Variants in GNPTAB observed in about 807,000 individuals in gnomAD.
The protein encoded by GNPTAB is N-acetylglucosamine-1-phosphotransferase subunits alpha/beta.
In GNPTAB, 92 loss-of-function variants were observed where a neutral mutation model predicts 136.6. That is an observed-to-expected ratio of 0.67 (90% CI 0.57 to 0.80). GNPTAB has a LOEUF of 0.80. Among genes scored for constraint, GNPTAB ranks in the 30% least tolerant of loss-of-function variants. GNPTAB has a pLI of 0.00. For synonymous variants in GNPTAB, 512 were observed against 535.1 expected (o/e 0.96, Z 0.60); for missense variants, 1,343 against 1,501.8 (o/e 0.89, Z 1.75).
At chr12:101,826,820 A>G (rs1871105424) in intron 1 of GNPTAB, among the ~76,000 whole-genome samples, 1 of 152,240 alleles carries the variant, frequency 6.6e-6, no homozygotes, top group South Asian at 2.1e-4. Context: ...TCTTAAGAGC[A>G]GTCAATCTAG....
intron 1 of GNPTAB, among the ~76,000 whole-genome samples, chr12:101,803,808 A>G (rs1869780662): frequency 6.6e-6 from 1 of 152,236 alleles, no homozygotes; most frequent in East Asian, 1.9e-4. Context: ...TGTTAGACAA[A>G]AGGAATAATC....
chr12:101,820,454 T>C (rs570519794), intron 1 of GNPTAB, among the ~76,000 whole-genome samples: 2 of 152,292 alleles, frequency 1.3e-5, no homozygotes, highest in Non-Finnish European at 2.9e-5. Context: ...CCTGCAGCCA[T>C]TCTTGCCCCT....
chr12:101,829,626 C>T (rs908718669), intron 1 of GNPTAB, among the ~76,000 whole-genome samples: 4 of 152,168 alleles, frequency 2.6e-5, no homozygotes, highest in Non-Finnish European at 5.9e-5. Context: ...CCTAACTACA[C>T]ACAGATACAT....
At chr12:101,753,650 T>G in intron 18 of GNPTAB, 111 bp from the exon 19 acceptor site, 1 of 896,326 alleles carries the variant, frequency 1.1e-6, no homozygotes. Context: ...CCCAAGTTGG[T>G]ATATTTGCTG....
chr12:101,768,635 T>C (rs1441559506), intron 10 of GNPTAB, among the ~76,000 whole-genome samples: 1 of 152,240 alleles, frequency 6.6e-6, no homozygotes, highest in Non-Finnish European at 1.5e-5. Context: ...CTTAAGGCCC[T>C]GTGATAAATT....
chr12:101,811,647 T>C (rs1365462568), intron 1 of GNPTAB, among the ~76,000 whole-genome samples: 2 of 150,712 alleles, frequency 1.3e-5, no homozygotes, highest in African/African-American at 4.9e-5. Flanking sequence ...ACTTTTTTTT[T>C]TTTTTTTTTG....
chr12:101,766,154 T>C lies in GNPTAB; in HGVS notation c.1549A>G (p.Lys517Glu). The C allele has an allele frequency of 9.9e-6, 16 of 1,614,084 alleles. No individual in the cohort carries two copies. The highest frequency in any genetic ancestry group is 1.4e-5 in the Non-Finnish European group (16 of 1,180,008). The change falls in exon 12 of 21, where the codon AAG becomes GAG. Residue 517 changes from lysine to glutamate, a missense_variant. Physicochemically the swap from Lys to Glu is moderately conservative, Grantham distance 56. Coordinates refer to ENST00000299314, the MANE Select transcript of GNPTAB (RefSeq NM_024312.5). ...QGCANSWLAD[K>E]FCDQACNVLS... ...ACATTGCATGCTTGGTCACAGAACT[T>C]ATCAGCGAGCCAGGAATTCGCACAT...
At chr12:101,759,038 T>C (rs142600628) in intron 16 of GNPTAB, among the ~76,000 whole-genome samples, 111 of 152,296 alleles carry the variant, frequency 7.3e-4, no homozygotes, top group African/African-American at 2.2e-3. Context: ...TATATGGTAG[T>C]ACCCATTATT....
intron 13 of GNPTAB, among the ~76,000 whole-genome samples, chr12:101,761,966 G>A (rs1441439242): frequency 6.6e-6 from 1 of 152,204 alleles, no homozygotes; most frequent in Non-Finnish European, 1.5e-5. Context: ...TATCACCAAT[G>A]TTGGTTTGAG....
At chr12:101,807,624 T>A (rs1870001116) in intron 1 of GNPTAB, among the ~76,000 whole-genome samples, 1 of 152,052 alleles carries the variant, frequency 6.6e-6, no homozygotes, top group African/African-American at 2.4e-5. Flanking sequence ...ATAGTAAGAC[T>A]GCAGGATACA....
At chr12:101,804,924 G>A (rs769889653) in intron 1 of GNPTAB, among the ~76,000 whole-genome samples, 32 of 152,134 alleles carry the variant, frequency 2.1e-4, no homozygotes, top group Non-Finnish European at 4.3e-4. Context: ...GAAAATTCAA[G>A]TGAGCTGATA....
rs573267894 is a variant in GNPTAB at position 101,765,353 on chromosome 12, C to T, written c.1613-49G>A. The T allele has an allele frequency of 9.2e-6, 11 of 1,194,522 alleles. No homozygotes were observed. The South Asian group carries it at 1.4e-4, about 15-fold the overall frequency. 74.0% of individuals were successfully genotyped at this position (1,194,522 alleles called of 1,614,324 possible). ...ATTTTTTTTTTAACTGGGCATTTTT[C>T]CTCTGTTTTCCTTTAATTCTTTGAG... On this transcript the variant is annotated intron_variant, in intron 12 of 20. Transcript: ENST00000299314.
Position 101,761,234 on chromosome 12 carries a change from T to C in GNPTAB, c.3028A>G (p.Ile1010Val), listed in dbSNP as rs772482837. 8 of 1,613,878 alleles carry C rather than the reference T, an allele frequency of 5.0e-6. 1 individual carries two copies. Among genetic ancestry groups the C allele is most frequent in the Admixed American group, 3.3e-5 (2 of 60,018 alleles). ...TCAACTTCATCAAAGACTTGAGATA[T>C]ATTCAGTGGCTGCACTGCACTCATG... ...YLMSAVQPLN[I>V]SQVFDEVDTD... The change falls in exon 15 of 21, where the codon ATA (isoleucine) becomes GTA (valine). Residue 1010 changes from isoleucine to valine, a missense_variant. Transcript: ENST00000299314.
intron 2 of GNPTAB, among the ~76,000 whole-genome samples, chr12:101,795,668 G>A (rs12322720): frequency 7.2e-5 from 11 of 151,874 alleles, no homozygotes; most frequent in African/African-American, 1.5e-4. Context: ...CAGGAGAATC[G>A]CTTGAATCCA....
At chr12:101,763,066 C>T (rs1334693889) in intron 13 of GNPTAB, among the ~76,000 whole-genome samples, 2 of 151,668 alleles carry the variant, frequency 1.3e-5, no homozygotes, top group African/African-American at 4.8e-5. Flanking sequence ...ACTAAAAATA[C>T]AAAAAATTGG....
At chr12:101,824,348 A>T (rs1870961980) in intron 1 of GNPTAB, among the ~76,000 whole-genome samples, 2 of 145,884 alleles carry the variant, frequency 1.4e-5, no homozygotes, top group African/African-American at 2.5e-5. Flanking sequence ...AGGGACAAAA[A>T]GAGATTCCTG....
intron 11 of GNPTAB, among the ~76,000 whole-genome samples, chr12:101,767,618 T>C (rs11111013): frequency 0.098 from 14,962 of 152,216 alleles, 874 homozygotes; most frequent in Middle Eastern, 0.2. Flanking sequence ...AAAGAGTCCA[T>C]TGATTACTGA....
intron 1 of GNPTAB, among the ~76,000 whole-genome samples, chr12:101,828,047 G>A (rs1871189324): frequency 6.6e-6 from 1 of 152,164 alleles, no homozygotes; most frequent in South Asian, 2.1e-4. Context: ...CAATTAGTGA[G>A]ATTATTAACA....
intron 18 of GNPTAB, 130 bp from the exon 19 acceptor site, chr12:101,753,669 C>A: frequency 1.3e-6 from 1 of 769,164 alleles, no homozygotes; most frequent in Non-Finnish European, 2.2e-6. Flanking sequence ...TGATATGATT[C>A]TCTGGGGGAA....
Sources: allele counts gnomAD v4.1 joint callset (sites outside exome capture counted in the v4.1 genomes callset), GRCh38; gene constraint gnomAD v4.1.1; transcripts MANE v1.5; gene names NCBI Gene and HGNC (gene_info 2026-07-23, HGNC 2026-07-21).